CDHR4: variants seen among roughly 807,000 people sequenced by gnomAD.
The protein encoded by CDHR4 is cadherin-related family member 4.
A neutral mutation model predicts 88.4 loss-of-function variants in CDHR4; 89 were observed. That is an observed-to-expected ratio of 1.01 (90% CI 0.85 to 1.20). The LOEUF (loss-of-function observed/expected upper bound fraction) is 1.20. Among genes scored for constraint, CDHR4 ranks in the 50% most tolerant of loss-of-function variants. The probability of loss-of-function intolerance (pLI) is 0.00; values close to 1 mark genes in which losing one functional copy is unlikely to be tolerated. For synonymous variants in CDHR4, 368 were observed against 399.2 expected, an observed-to-expected ratio of 0.92 and a Z score of 0.93; for missense variants, 914 against 1,007.2, an observed-to-expected ratio of 0.91 and a Z score of 1.25.
At chr3:49,796,362 C>CA (rs1397545025) in intron 5 of CDHR4, among the ~76,000 whole-genome samples, 1 of 146,156 alleles carries the variant, frequency 6.8e-6, no homozygotes, top group Non-Finnish European at 1.5e-5. Flanking sequence ...TTACTCAGAA[C>CA]TTTTTTTTTT....
chr3:49,792,324 G>T, intron 15 of CDHR4, 144 bp downstream of exon 15: 1 of 1,043,080 alleles, frequency 9.6e-7, no homozygotes, highest in Non-Finnish European at 1.4e-6. Context: ...AAAGACCTCT[G>T]GAGGGAGAGT....
chr3:49,794,758 A>T, intron 9 of CDHR4, 57 bp from the exon 10 acceptor site: 1 of 1,468,970 alleles, frequency 6.8e-7, no homozygotes, highest in Non-Finnish European at 9.3e-7. Flanking sequence ...GCCCTGAGCC[A>T]CACGGGGCTG....
chr3:49,799,815 T>A lies in CDHR4; in HGVS notation c.-3A>T. 1 of 1,613,864 alleles carries A rather than the reference T, an allele frequency of 6.2e-7. No individual in the cohort carries two copies. ...ACGAGGAGCCTGAGCAGCACCATGA[T>A]GACCTGAAGACACAGACAGCAGAGG... On this transcript the variant is annotated 5_prime_UTR_variant, in exon 1 of 19. Transcript: ENST00000412678.
Position 49,791,813 on chromosome 3 carries a change from T to C in CDHR4, c.2196-12A>G. 1 of 1,551,650 alleles carries C rather than the reference T, an allele frequency of 6.4e-7. No homozygotes were observed. Among genetic ancestry groups the C allele is most frequent in the African/African-American group, 1.4e-5 (1 of 73,162 alleles). ...CAGTTCCCTGGATGCTGGGGCAAAG[T>C]ACGAGCAAGAGTACAGGGCAAGGCT... On this transcript the variant is annotated splice_polypyrimidine_tract_variant and intron_variant, in intron 16 of 18. Transcript: ENST00000412678.
rs545530825 is a variant in CDHR4 at position 49,795,031 on chromosome 3, A to C, written c.1101T>G (p.Ser367=). The change falls in exon 9 of 19, where the codon TCT becomes TCG. Residue 367 remains serine, a synonymous_variant. Coordinates refer to ENST00000412678, the MANE Select transcript of CDHR4 (RefSeq NM_001007540.4). This position sits in a 1 kb window ranked among gnomAD's most constrained non-coding sequence, Gnocchi z 5.4. ...GCTTGTAGTCCAGGGTGGCACCAAC[A>C]GAGTCCGGATCTTCGCAAGTGAGAG... ...LNTLTCEDPD[S]VGATLDYKLW... 6.4e-7 allele frequency: 1 copy of C among 1,551,676 alleles called. No homozygotes were observed. Among genetic ancestry groups the C allele is most frequent in the African/African-American group, 1.4e-5 (1 of 73,156 alleles).
In CDHR4 at chr3:49,798,936, A is replaced by G. The variant is rs759854510; in HGVS notation, c.404-19T>C. 1.2e-6 allele frequency: 2 copies of G among 1,612,246 alleles called. No homozygotes were observed. Among genetic ancestry groups the G allele is most frequent in the South Asian group, 2.2e-5 (2 of 90,588 alleles). ...TCCCCAGCTGGCCAGAGTGGAGGTC[A>G]GGGAGGATCTGCTCAGGCCATGCCT... On this transcript the variant is annotated intron_variant, in intron 3 of 18. Transcript: ENST00000412678.
At position 49,795,322 on chromosome 3, in the gene CDHR4, G is replaced by T. The variant is rs368345757; in HGVS notation, c.905C>A (p.Ala302Glu). ...PLELARTSGT[A>E]VSRLQVKAFE... The stretch of plus-strand genomic sequence containing the variant: ...GGCCTTCACCTGCAGCCTGGAGACC[G>T]CGGTGCCTGAGGTGCGAGCTAACTC... The change falls in exon 8 of 19, where the codon GCG (alanine) becomes GAG (glutamate). Residue 302 changes from alanine to glutamate, a missense_variant. Transcript: ENST00000412678. The surrounding 1 kb of genome is among the most constrained non-coding windows in gnomAD (Gnocchi z 5.4). 3.9e-6 allele frequency: 6 copies of T among 1,551,568 alleles called. No individual in the cohort carries two copies. Among genetic ancestry groups the T allele is most frequent in the Non-Finnish European group, 5.2e-6 (6 of 1,146,972 alleles).
chr3:49,802,221 T>A (rs1003850933), upstream of CDHR4, among the ~76,000 whole-genome samples: 1 of 151,942 alleles, frequency 6.6e-6, no homozygotes, highest in African/African-American at 2.4e-5. Flanking sequence ...TCGCCCAGGC[T>A]GGAGTGCAGT....
chr3:49,795,638 G>A lies in CDHR4; in HGVS notation c.837C>T (p.Ser279=), dbSNP rs1456707245. Residue 279 remains serine, a synonymous_variant, in exon 7 of 19, where the codon TCC becomes TCT. Coordinates refer to ENST00000412678, the MANE Select transcript of CDHR4 (RefSeq NM_001007540.4). The surrounding 1 kb of genome is among the most constrained non-coding windows in gnomAD (Gnocchi z 5.4). ...CCCAACACCTCTCACCACGACCAAT[G>A]GAGAAGAGTGGGCTGGGCACCGGAG... ...ILSPVPSPLF[S]IGRADGVVRT... is the part of the protein sequence containing the mutation. 1.3e-6 allele frequency: 2 copies of A among 1,551,606 alleles called. No homozygotes were observed. Among genetic ancestry groups the A allele is most frequent in the South Asian group, 1.2e-5 (1 of 84,060 alleles).
Position 49,793,876 on chromosome 3 carries a change from C to T in CDHR4, c.1410G>A (p.Met470Ile). The T allele has an allele frequency of 1.3e-6, 2 of 1,551,772 alleles. No homozygotes were observed. Among genetic ancestry groups the T allele is most frequent in the Non-Finnish European group, 1.7e-6 (2 of 1,146,996 alleles). Residue 470 changes from methionine to isoleucine, a missense_variant, in exon 11 of 19, where the codon ATG becomes ATA. Transcript: ENST00000412678. Reference sequence around the variant, plus strand: ...ACTCAATGTTGTCATGAGGGTAATCCATATCCGTGCCCACCACGGAGCCCA... The same window carrying T: ...ACTCAATGTTGTCATGAGGGTAATCTATATCCGTGCCCACCACGGAGCCCA... The part of the protein sequence containing the change: ...TLLGSVVGTD[M>I]DYPHDNIEYY...
intron 14 of CDHR4, 63 bp downstream of exon 14, chr3:49,792,791 G>A: frequency 6.8e-7 from 1 of 1,471,110 alleles, no homozygotes. Context: ...TGAAAAACTG[G>A]GTCTCCTCAC....
Position 49,793,272 on chromosome 3 carries a change from G to C in CDHR4, c.1663C>G (p.Gln555Glu), listed in dbSNP as rs954684013. Residue 555 changes from glutamine to glutamate, a missense_variant, in exon 13 of 19, where the codon CAG becomes GAG. Transcript: ENST00000412678. ...DHAPECEPPF[Q>E]ELTIYAPLGR... The stretch of plus-strand genomic sequence containing the variant: ...AGAGGAGCATAGATGGTGAGTTCCT[G>C]AAATGGGGGCTCACACTCGGGGGCA... 3.2e-6 allele frequency: 5 copies of C among 1,551,526 alleles called. No homozygotes were observed. The highest frequency in any genetic ancestry group is 4.4e-6 in the Non-Finnish European group (5 of 1,146,990).
Position 49,790,801 on chromosome 3 carries a change from A to G in CDHR4, c.*31T>C. On this transcript the variant is annotated 3_prime_UTR_variant, in exon 19 of 19. Coordinates refer to ENST00000412678, the MANE Select transcript of CDHR4 (RefSeq NM_001007540.4). ...CAGCCCATGATGGTGTGAAAAAGAAATTCCACACATAGTAAGACAGCTACT... is the reference window on the plus strand; with the variant it reads ...CAGCCCATGATGGTGTGAAAAAGAAGTTCCACACATAGTAAGACAGCTACT... 1.3e-6 allele frequency: 2 copies of G among 1,533,080 alleles called. No homozygotes were observed. Among genetic ancestry groups the G allele is most frequent in the Non-Finnish European group, 1.8e-6 (2 of 1,137,126 alleles). The allele number at this position is 1,533,080 out of a possible 1,614,324, so 95.0% of individuals were successfully genotyped here. A position where few individuals can be genotyped will look rare whatever the true frequency, so the allele number is the denominator to read the frequency against.
intron 15 of CDHR4, 68 bp from the exon 16 acceptor site, chr3:49,792,027 A>G: frequency 6.9e-7 from 1 of 1,439,958 alleles, no homozygotes; most frequent in Non-Finnish European, 9.5e-7. Flanking sequence ...AATCAGCACC[A>G]TTCACCCATT....
intron 12 of CDHR4, 43 bp downstream of exon 12, chr3:49,793,538 CTG>C (rs1559724586): frequency 1.3e-6 from 2 of 1,546,772 alleles, no homozygotes; most frequent in Middle Eastern, 3.4e-4. Context: ...ATCTGAACTC[CTG>C]TCTTTCCAAG....
chr3:49,800,856 G>A (rs112223079), upstream of CDHR4, among the ~76,000 whole-genome samples: 3 of 139,580 alleles, frequency 2.1e-5, 1 homozygote, highest in African/African-American at 8.2e-5. Context: ...GACCAGCCTG[G>A]ACAACATGGT....
In CDHR4 at chr3:49,793,237, G is replaced by A. The variant is rs999603184; in HGVS notation, c.1698C>T (p.Ser566=). The change falls in exon 13 of 19, where the codon AGC becomes AGT. Residue 566 remains serine, a synonymous_variant. Transcript: ENST00000412678. ...ELTIYAPLGR[S]VEVTKMSCQI... ...GGCATGACATCTTGGTCACCTCCAC[G>A]CTACGGCCCAGAGGAGCATAGATGG... is the stretch of plus-strand genomic sequence containing the variant. The A allele has an allele frequency of 4.0e-5, 62 of 1,551,656 alleles. No homozygotes were observed. The highest frequency in any genetic ancestry group is 3.3e-4 in the Middle Eastern group (2 of 5,990).
intron 5 of CDHR4, among the ~76,000 whole-genome samples, 190 bp downstream of exon 5, chr3:49,796,732 T>C (rs2081276023): frequency 6.6e-6 from 1 of 152,218 alleles, no homozygotes. Context: ...ATTCCTCTTC[T>C]TTCTAGAACT....
intron 18 of CDHR4, 74 bp downstream of exon 18, chr3:49,791,367 G>A (rs2081176831): frequency 2.1e-5 from 31 of 1,456,388 alleles, no homozygotes; most frequent in Middle Eastern, 3.6e-4. Flanking sequence ...ATTGAGATGG[G>A]GTAAAGAGAG....
Sources: allele counts gnomAD v4.1 joint callset (sites outside exome capture counted in the v4.1 genomes callset), GRCh38; gene constraint gnomAD v4.1.1; non-coding constraint Gnocchi (gnomAD v3.1); transcripts MANE v1.5; gene names NCBI Gene and HGNC (gene_info 2026-07-23, HGNC 2026-07-21).